Variants in NTRK1 observed in about 807,000 individuals in gnomAD.
The protein encoded by NTRK1 is high affinity nerve growth factor receptor.
A neutral mutation model predicts 86.8 loss-of-function variants in NTRK1; 62 were observed. The ratio of observed to expected loss-of-function variants is 0.71; its 90% CI spans 0.58 to 0.88. The LOEUF (loss-of-function observed/expected upper bound fraction) is 0.88, where lower values mean the gene tolerates loss of function less well. NTRK1 is among the 40% of genes least tolerant of loss of function. The pLI is 0.00. For synonymous variants in NTRK1, 469 were observed against 456.6 expected (o/e 1.03, Z -0.35); for missense variants, 967 against 1,078.4 (o/e 0.90, Z 1.45).
chr1:156,831,611 G>A (rs551964321), intron 1 of NTRK1, among the ~76,000 whole-genome samples: 1 of 152,152 alleles, frequency 6.6e-6, no homozygotes, highest in African/African-American at 2.4e-5. Context: ...TTCCAGGACT[G>A]CTTGGAAGTC....
In NTRK1 at chr1:156,873,536, C is replaced by T. The variant is rs1571695590; in HGVS notation, c.851-97C>T. On this transcript the variant is annotated intron_variant, in intron 7 of 16. Transcript: ENST00000524377. ...TTCTCCCAGGCCTGCCCTTTGATTT[C>T]GGGTTCTACTCGCTTTGCCCGTGGA... The T allele has an allele frequency of 1.3e-5, 13 of 982,432 alleles. No individual in the cohort carries two copies. The South Asian group carries it at 1.4e-4, about 10-fold the overall frequency. The allele number at this position is 982,432 out of a possible 1,614,324, so 60.9% of individuals were successfully genotyped here.
chr1:156,844,665 G>A, intron 2 of NTRK1: 2 of 1,613,966 alleles, frequency 1.2e-6, no homozygotes, highest in Non-Finnish European at 1.7e-6. Flanking sequence ...AGGCGATGTA[G>A]GCACAAAACG....
intron 2 of NTRK1, among the ~76,000 whole-genome samples, chr1:156,852,943 G>A (rs180854379): frequency 1.3e-5 from 2 of 152,190 alleles, no homozygotes; most frequent in East Asian, 3.9e-4. Flanking sequence ...CTGACCTCCA[G>A]GAGCTGAGTG....
chr1:156,829,806 C>T (rs1453796715), intron 1 of NTRK1, among the ~76,000 whole-genome samples: 4 of 152,184 alleles, frequency 2.6e-5, no homozygotes, highest in Admixed American at 6.5e-5. Flanking sequence ...GTGCCTGCCA[C>T]CGCATCCGGC....
chr1:156,866,657 C>G (rs1270967552), intron 3 of NTRK1, among the ~76,000 whole-genome samples: 1 of 152,144 alleles, frequency 6.6e-6, no homozygotes, highest in Non-Finnish European at 1.5e-5. Flanking sequence ...GATCCCCCTC[C>G]CTGGGGTCTG....
intron 2 of NTRK1, chr1:156,848,979 G>A: frequency 1.2e-6 from 2 of 1,609,342 alleles, no homozygotes; most frequent in Non-Finnish European, 1.7e-6. Flanking sequence ...GGCTCATAGC[G>A]CTCCCAGCGT....
rs147963932 is a variant in NTRK1 at position 156,850,059 on chromosome 1, C to T, written c.50+7866C>T. On this transcript the variant is annotated intron_variant, in intron 2 of 16. Coordinates refer to the NTRK1 transcript ENST00000392302. Reference sequence around the variant, plus strand: ...CTGAGACTACAGGCATGCACCACCACGGTCAGCTAATTTTGTATTTTTTAT... The same window carrying T: ...CTGAGACTACAGGCATGCACCACCATGGTCAGCTAATTTTGTATTTTTTAT... Among the ~76,000 whole-genome samples the T allele has an allele frequency of 5.5e-3, 842 of 152,194 alleles. 10 individuals carry two copies. Among genetic ancestry groups the T allele is most frequent in the African/African-American group, 0.019 (781 of 41,510 alleles).
At chr1:156,864,301 G>A in intron 1 of NTRK1, 53 bp from the exon 2 acceptor site, 3 of 1,577,526 alleles carry the variant, frequency 1.9e-6, no homozygotes, top group Non-Finnish European at 2.6e-6. Context: ...GGGTGGGCAT[G>A]GGAACTCAAG....
chr1:156,852,011 C>A (rs201429290), intron 2 of NTRK1: 43 of 1,613,320 alleles, frequency 2.7e-5, no homozygotes, highest in Non-Finnish European at 3.2e-5. Flanking sequence ...TGTGACACAG[C>A]GCCAGGACTC....
chr1:156,866,740 C>T (rs1274648569), intron 3 of NTRK1, among the ~76,000 whole-genome samples, 170 bp from the exon 4 acceptor site: 1 of 151,460 alleles, frequency 6.6e-6, no homozygotes, highest in Non-Finnish European at 1.5e-5. Context: ...CCCCCCACCC[C>T]CCACCCCACC....
intron 14 of NTRK1, 51 bp from the exon 15 acceptor site, chr1:156,879,071 C>T (rs780187791): frequency 1.2e-6 from 2 of 1,607,204 alleles, no homozygotes; most frequent in South Asian, 1.1e-5. Context: ...TCCTCAGGCT[C>T]CTGGGAGTTC....
intron 2 of NTRK1, chr1:156,845,902 T>G (rs770524140): frequency 1.3e-6 from 2 of 1,598,088 alleles, no homozygotes; most frequent in South Asian, 2.2e-5. Flanking sequence ...CGCCTCCATC[T>G]CCCCTTCCCC....
intron 1 of NTRK1, among the ~76,000 whole-genome samples, chr1:156,816,452 C>T (rs959868574): frequency 6.6e-6 from 1 of 152,200 alleles, no homozygotes; most frequent in Non-Finnish European, 1.5e-5. Context: ...CTCCTCTCTC[C>T]TCTCTGAGAA....
At chr1:156,828,795 C>T (rs1188013977) in intron 1 of NTRK1, among the ~76,000 whole-genome samples, 2 of 152,226 alleles carry the variant, frequency 1.3e-5, no homozygotes, top group Non-Finnish European at 2.9e-5. Context: ...GCCTCATTTT[C>T]CCCATACGTA....
rs35237064 is a variant in NTRK1 at position 156,850,534 on chromosome 1, C to CTTTTTT, written c.50+8367_50+8372dup. Among the ~76,000 whole-genome samples the CTTTTTT allele has an allele frequency of 3.2e-3, 189 of 58,640 alleles. 5 individuals carry two copies. The highest frequency in any genetic ancestry group is 3.8e-3 in the Non-Finnish European group (106 of 28,170). The allele number at this position is 58,640 out of a possible 152,430, so 38.5% of individuals were successfully genotyped here. A position where few individuals can be genotyped will look rare whatever the true frequency, so the allele number is the denominator to read the frequency against. ...GACCTGGATGGTAATTTAAAACATTCTTTTTTTTTTTTTTTTTTTTTTTTT... is the reference window on the plus strand; with the variant it reads ...GACCTGGATGGTAATTTAAAACATTCTTTTTTTTTTTTTTTTTTTTTTTTTTTTTTT... On this transcript the variant is annotated intron_variant, in intron 2 of 16. Transcript: ENST00000392302.
chr1:156,879,954 T>C lies in NTRK1; in HGVS notation c.2047-45T>C, dbSNP rs746433845. On this transcript the variant is annotated intron_variant, in intron 15 of 16. Coordinates refer to ENST00000524377, the MANE Select transcript of NTRK1 (RefSeq NM_002529.4). ...TGGGGTAGGCTGTGCCTTGACGGGC[T>C]GTCCCAGGCGCCCCTGGAATTGATG... The C allele has an allele frequency of 3.7e-6, 6 of 1,608,090 alleles. No homozygotes were observed. The African/African-American group carries it at 5.3e-5, about 14-fold the overall frequency.
rs746703297 is a variant in NTRK1 at position 156,879,359 on chromosome 1, C to T, written c.2043C>T (p.Tyr681=). The T allele has an allele frequency of 3.1e-6, 5 of 1,602,312 alleles. No homozygotes were observed. In the South Asian group the frequency reaches 5.5e-5, roughly 18 times the overall value. Residue 681 remains tyrosine (Y), a synonymous_variant, in exon 15 of 17, where the codon TAC becomes TAT. Coordinates refer to ENST00000524377, the MANE Select transcript of NTRK1 (RefSeq NM_002529.4). ...MSRDIYSTDY[Y]RVGGRTMLPI... ...GGGATATCTACAGCACCGACTATTA[C>T]CGTGTAAGGGTCCTTTGTCCCCAAC...
chr1:156,867,743 G>C (rs749700792), intron 4 of NTRK1, among the ~76,000 whole-genome samples: 3 of 150,780 alleles, frequency 2.0e-5, no homozygotes, highest in Admixed American at 1.3e-4. Context: ...ATCTCATCTC[G>C]GCTCACTGCA....
chr1:156,880,782 C>T (rs1339418076), intron 16 of NTRK1, among the ~76,000 whole-genome samples: 6 of 152,184 alleles, frequency 3.9e-5, no homozygotes, highest in African/African-American at 7.2e-5. Context: ...ATTAGTGCCG[C>T]CCATAACCCA....
Sources: gnomAD v4.1 joint callset for allele counts (sites outside exome capture counted in the v4.1 genomes callset) on GRCh38, gnomAD v4.1.1 for gene constraint, MANE v1.5 for transcripts, NCBI Gene and HGNC (gene_info 2026-07-23, HGNC 2026-07-21) for gene names.